The following NRXN3 variants were observed in gnomAD, a reference collection of about 807,000 sequenced individuals.
The protein encoded by NRXN3 is neurexin III.
In NRXN3, 32 loss-of-function variants were observed where a neutral mutation model predicts 137.6. The observed-to-expected ratio is 0.23, with a 90% CI of 0.18 to 0.31. The LOEUF is 0.31. Ranked by LOEUF, NRXN3 falls within the 10% of genes least tolerant of loss-of-function variation. The pLI, the probability that NRXN3 is intolerant of heterozygous loss-of-function variation, is 1.00. For synonymous variants in NRXN3, 798 were observed against 784.5 expected (o/e 1.02, Z -0.29); for missense variants, 1,574 against 2,062.5 (o/e 0.76, Z 4.59).
At chr14:79,430,347 T>C (rs565637473) in intron 15 of NRXN3, among the ~76,000 whole-genome samples, 1 of 152,308 alleles carries the variant, frequency 6.6e-6, no homozygotes, top group African/African-American at 2.4e-5. Flanking sequence ...ATAGAGGTCA[T>C]GTTTTGTTGT....
chr14:79,571,915 G>A (rs965116238), intron 16 of NRXN3, among the ~76,000 whole-genome samples: 18 of 152,142 alleles, frequency 1.2e-4, no homozygotes, highest in Middle Eastern at 3.4e-3. Flanking sequence ...GTTACCACTC[G>A]GAGCAACTCA....
At chr14:79,373,933 G>GA (rs1487836675) in intron 15 of NRXN3, among the ~76,000 whole-genome samples, 1 of 152,008 alleles carries the variant, frequency 6.6e-6, no homozygotes. Flanking sequence ...GTCTATGGAA[G>GA]AAAAACGTCA....
At chr14:78,276,145 G>A (rs1289655215) in intron 2 of NRXN3, among the ~76,000 whole-genome samples, 1 of 152,230 alleles carries the variant, frequency 6.6e-6, no homozygotes, top group Non-Finnish European at 1.5e-5. Context: ...TTTTTGGTGG[G>A]ATTGTTGCCC....
chr14:78,954,590 G>A (rs1396417004), intron 10 of NRXN3, among the ~76,000 whole-genome samples: 5 of 151,788 alleles, frequency 3.3e-5, no homozygotes, highest in Admixed American at 6.6e-5. Flanking sequence ...TCAGTCTCCC[G>A]AGTAGCTGGG....
intron 4 of NRXN3, among the ~76,000 whole-genome samples, chr14:78,475,454 C>G (rs576344408): frequency 5.8e-4 from 89 of 152,236 alleles, no homozygotes; most frequent in African/African-American, 1.8e-3. Context: ...TTATGACTTT[C>G]GAAGTTGAGT....
chr14:78,663,689 C>T (rs1321098132), intron 6 of NRXN3, among the ~76,000 whole-genome samples: 1 of 152,138 alleles, frequency 6.6e-6, no homozygotes, highest in Non-Finnish European at 1.5e-5. Context: ...TTGGGAATCA[C>T]TTACTTAGCT....
chr14:79,005,852 C>G (rs1567964262), intron 15 of NRXN3, among the ~76,000 whole-genome samples: 1 of 151,414 alleles, frequency 6.6e-6, no homozygotes, highest in East Asian at 1.9e-4. Flanking sequence ...TGTCGGTCCT[C>G]AAAAAAAACG....
intron 15 of NRXN3, among the ~76,000 whole-genome samples, chr14:79,028,241 A>C (rs1357836721): frequency 2.0e-5 from 3 of 152,104 alleles, no homozygotes; most frequent in Non-Finnish European, 4.4e-5. Context: ...CTTATTTGTC[A>C]CACCCTTCAT....
chr14:78,531,070 T>C (rs1025947423), intron 4 of NRXN3, among the ~76,000 whole-genome samples: 2 of 152,220 alleles, frequency 1.3e-5, no homozygotes, highest in Admixed American at 6.5e-5. Flanking sequence ...TTGAAGCACC[T>C]TTACTTTTCA....
intron 4 of NRXN3, among the ~76,000 whole-genome samples, chr14:78,360,752 A>G (rs957142258): frequency 7.2e-5 from 11 of 152,196 alleles, no homozygotes; most frequent in African/African-American, 2.7e-4. Flanking sequence ...TTTTCTTTCT[A>G]TTCTATTCAA....
At position 79,674,151 on chromosome 14, in the gene NRXN3, G is replaced by A. The variant is rs368935134; in HGVS notation, c.3616+10202G>A. ...TTGGGATGTGACCTTGAATTATCTG[G>A]AACAATGCCAATAAGCTCTGCTCCC... On this transcript the variant is annotated intron_variant, in intron 17 of 20. Coordinates refer to ENST00000335750, the MANE Select transcript of NRXN3 (RefSeq NM_001330195.2). Among the ~76,000 whole-genome samples, 5 of 152,110 alleles carry A rather than the reference G, an allele frequency of 3.3e-5. No individual in the cohort carries two copies. The East Asian group carries it at 9.7e-4, about 30-fold the overall frequency.
chr14:79,854,368 T>C (rs1359880597), intron 20 of NRXN3, among the ~76,000 whole-genome samples: 1 of 152,214 alleles, frequency 6.6e-6, no homozygotes, highest in African/African-American at 2.4e-5. Context: ...AATGCCTCAA[T>C]GTTATTTGCT....
At chr14:79,273,172 C>CAAAAAAAA (rs1163073631) in intron 15 of NRXN3, among the ~76,000 whole-genome samples, 3 of 20,754 alleles carry the variant, frequency 1.4e-4, no homozygotes, top group African/African-American at 8.4e-4. Context: ...ACTCTGTGGC[C>CAAAAAAAA]AAAAAAAAAA....
At chr14:79,818,046 G>GGT (rs2099257165) in intron 20 of NRXN3, among the ~76,000 whole-genome samples, 14 of 90,246 alleles carry the variant, frequency 1.6e-4, no homozygotes, top group South Asian at 1.5e-3. Context: ...GTGCACTTGG[G>GGT]TTTTTTTTTT....
At chr14:79,382,628 G>T (rs922509894) in intron 15 of NRXN3, among the ~76,000 whole-genome samples, 2 of 152,056 alleles carry the variant, frequency 1.3e-5, no homozygotes, top group Non-Finnish European at 2.9e-5. Context: ...ATCTCTGAAA[G>T]GATATATAAG....
intron 15 of NRXN3, among the ~76,000 whole-genome samples, chr14:78,990,911 T>C (rs894516909): frequency 6.6e-6 from 1 of 152,228 alleles, no homozygotes; most frequent in Non-Finnish European, 1.5e-5. Context: ...CATAGACCAT[T>C]ATTTTCTATA....
intron 15 of NRXN3, among the ~76,000 whole-genome samples, chr14:79,094,954 G>GAC (rs1342889390): frequency 3.0e-4 from 15 of 49,984 alleles, no homozygotes; most frequent in African/African-American, 1.0e-3. Flanking sequence ...GAGAAAGAGA[G>GAC]AGAGAGAGAG....
chr14:78,222,807 C>T (rs1315519007), intron 1 of NRXN3, among the ~76,000 whole-genome samples: 1 of 152,188 alleles, frequency 6.6e-6, no homozygotes, highest in Non-Finnish European at 1.5e-5. Flanking sequence ...TCTTGATCTT[C>T]ACTTTCCCAC....
chr14:79,376,208 G>T lies in NRXN3; in HGVS notation c.3263-91013G>T, dbSNP rs7494375. ...TATATACATGTGGGTGTGTGTGTGT[G>T]TGTATGTATATATATATATATATAT... is the stretch of plus-strand genomic sequence containing the variant. On this transcript the variant is annotated intron_variant, in intron 15 of 20. Transcript: ENST00000335750. 2.5e-3 allele frequency among the ~76,000 whole-genome samples: 105 copies of T among 42,634 alleles called. 2 individuals carry two copies. The highest frequency in any genetic ancestry group is 0.01 in the African/African-American group (101 of 9,704). The allele number at this position is 42,634 out of a possible 152,430, so 28.0% of individuals were successfully genotyped here.
Sources: gnomAD v4.1 joint callset for allele counts (sites outside exome capture counted in the v4.1 genomes callset) on GRCh38, gnomAD v4.1.1 for gene constraint, MANE v1.5 for transcripts, NCBI Gene and HGNC (gene_info 2026-07-23, HGNC 2026-07-21) for gene names.